ANKRD30A: variants seen among roughly 807,000 people sequenced by gnomAD.
ANKRD30A encodes ankyrin repeat domain-containing protein 30A.
A neutral mutation model predicts 166.3 loss-of-function variants in ANKRD30A; 170 were observed. The ratio of observed to expected loss-of-function variants is 1.02; its 90% confidence interval spans 0.90 to 1.16. ANKRD30A has a LOEUF of 1.16. ANKRD30A is among the 50% of genes most tolerant of loss of function. The pLI is 0.00. For missense variants in ANKRD30A, 1,630 were observed against 1,518.0 expected, an observed-to-expected ratio of 1.07 and a Z score of -1.23; for synonymous variants, 564 against 508.9, an observed-to-expected ratio of 1.11 and a Z score of -1.46.
At position 37,219,446 on chromosome 10, in the gene ANKRD30A, A is replaced by G; in HGVS notation, c.3734A>G (p.Asn1245Ser). Residue 1245 changes from asparagine (N) to serine (S), a missense_variant, in exon 34 of 36, where the codon AAC becomes AGC. By Grantham distance (46) the Asn-to-Ser change is conservative. Transcript: ENST00000361713. ...MNVDVSSTIYNNEVLHQPLSE... is the reference protein window; with the variant it reads ...MNVDVSSTIYSNEVLHQPLSE... ...GTTGATGTGAGTAGTACGATATATA[A>G]CAATGAGGTGCTCCATCAACCACTT... is the stretch of plus-strand genomic sequence containing the variant. 6.2e-7 allele frequency: 1 copy of G among 1,610,404 alleles called. No individual in the cohort carries two copies. Among genetic ancestry groups the G allele is most frequent in the Non-Finnish European group, 8.5e-7 (1 of 1,177,658 alleles).
chr10:37,226,083 G>A (rs925651224), intron 34 of ANKRD30A, among the ~76,000 whole-genome samples: 3 of 150,760 alleles, frequency 2.0e-5, no homozygotes, highest in African/African-American at 7.3e-5. Flanking sequence ...CTTTCACTTA[G>A]CATAACATTT....
chr10:37,204,532 C>T (rs1841861876), intron 31 of ANKRD30A, among the ~76,000 whole-genome samples: 1 of 152,144 alleles, frequency 6.6e-6, no homozygotes, highest in African/African-American at 2.4e-5. Context: ...AAAACCTAGG[C>T]AATACCATTC....
At chr10:37,207,704 A>T (rs749085592) in intron 31 of ANKRD30A, among the ~76,000 whole-genome samples, 2 of 151,890 alleles carry the variant, frequency 1.3e-5, no homozygotes, top group African/African-American at 4.8e-5. Flanking sequence ...TTAGAAAGAG[A>T]CTATATCATT....
At chr10:37,260,632 A>G in the ANKRD30A span, among the ~76,000 whole-genome samples, 1 of 152,198 alleles carries the variant, frequency 6.6e-6, no homozygotes. Context: ...TTTTAGGAAA[A>G]TAAACAGATC....
At chr10:37,225,771 G>A (rs967480672) in intron 34 of ANKRD30A, among the ~76,000 whole-genome samples, 1 of 151,692 alleles carries the variant, frequency 6.6e-6, no homozygotes, top group African/African-American at 2.4e-5. Context: ...ATGACTTCAA[G>A]TCACTAGTAT....
intron 27 of ANKRD30A, among the ~76,000 whole-genome samples, chr10:37,196,189 C>A (rs2384710): frequency 0.57 from 85,109 of 149,272 alleles, 24,733 homozygotes; most frequent in African/African-American, 0.65. Flanking sequence ...AGACTCTGAG[C>A]AAAACAGTTG....
intron 3 of ANKRD30A, 115 bp downstream of exon 3, chr10:37,130,493 TGAAA>T (rs1326593255): frequency 1.3e-6 from 1 of 772,818 alleles, no homozygotes; most frequent in East Asian, 3.5e-5. Context: ...GAAAATAGTT[TGAAA>T]GAACTTAATT....
intron 31 of ANKRD30A, among the ~76,000 whole-genome samples, chr10:37,209,017 A>G (rs1842139894): frequency 6.6e-6 from 1 of 152,152 alleles, no homozygotes; most frequent in African/African-American, 2.4e-5. Flanking sequence ...TTGATAGTTC[A>G]TCTCTTTTGA....
chr10:37,193,168 G>C lies in ANKRD30A; in HGVS notation c.2542-18G>C, dbSNP rs368202737. 2.3e-3 allele frequency: 3,717 copies of C among 1,598,176 alleles called. 105 individuals carry two copies. Among genetic ancestry groups the C allele is most frequent in the East Asian group, 0.02 (846 of 41,778 alleles). On this transcript the variant is annotated intron_variant, in intron 26 of 35. Transcript: ENST00000361713. Reference sequence around the variant, plus strand: ...GTATACATTGTATATTAATTGTTTTGTTTCTAAACCCATTTAGGCTCCCTG... The same window carrying C: ...GTATACATTGTATATTAATTGTTTTCTTTCTAAACCCATTTAGGCTCCCTG...
chr10:37,156,218 C>T (rs936977319), intron 13 of ANKRD30A, among the ~76,000 whole-genome samples: 8 of 152,016 alleles, frequency 5.3e-5, no homozygotes, highest in African/African-American at 1.7e-4. Flanking sequence ...CTACTTCATG[C>T]TATACTAGAA....
At chr10:37,198,903 T>C (rs1200894) in intron 29 of ANKRD30A, among the ~76,000 whole-genome samples, 70,396 of 151,896 alleles carry the variant, frequency 0.46, 16,591 homozygotes, top group African/African-American at 0.48. Context: ...ATAAAGAAAC[T>C]TCAACGTTAT....
At chr10:37,228,005 G>C (rs1843240026) in intron 34 of ANKRD30A, among the ~76,000 whole-genome samples, 1 of 151,768 alleles carries the variant, frequency 6.6e-6, no homozygotes, top group Non-Finnish European at 1.5e-5. Context: ...ATCTTTTCTT[G>C]GTACAGTTCC....
Position 37,129,908 on chromosome 10 carries a change from G to T in ANKRD30A, c.237G>T (p.Trp79Cys), listed in dbSNP as rs1041973101. Residue 79 changes from tryptophan to cysteine, a missense_variant, in exon 2 of 36, where the codon TGG becomes TGT. Trp to Cys is a radical substitution (Grantham distance 215). Around this residue, in one of 4 missense-constraint regions of ANKRD30A, gnomAD observed 904 missense variants for 818.5 expected, o/e 1.10. Transcript: ENST00000361713. ...ACTCTCGTAGGACTGCTCTACACTG[G>T]GCCTGTGTCAATGGCCATGAGGAAG... ...QDAQKRTALH[W>C]ACVNGHEEVV... The T allele has an allele frequency of 1.2e-5, 18 of 1,555,494 alleles. No individual in the cohort carries two copies. In the Admixed American group the frequency reaches 2.3e-4, roughly 20 times the overall value.
Position 37,141,915 on chromosome 10 carries a change from C to G in ANKRD30A, c.1018C>G (p.Gln340Glu), listed in dbSNP as rs1340416163. ...SLVEGTSDKI[Q>E]CLEKATSGKF... ...GGTGGAGGGAACATCTGACAAAATTCAATGTTTGGAGAAAGCGACATCTGG... is the reference window on the plus strand; with the variant it reads ...GGTGGAGGGAACATCTGACAAAATTGAATGTTTGGAGAAAGCGACATCTGG... The change falls in exon 7 of 36, where the codon CAA becomes GAA. Residue 340 changes from glutamine to glutamate, a missense_variant. Transcript: ENST00000361713. 1.2e-6 allele frequency: 2 copies of G among 1,614,142 alleles called. No homozygotes were observed. Among genetic ancestry groups the G allele is most frequent in the Admixed American group, 3.3e-5 (2 of 60,014 alleles).
chr10:37,245,074 T>C, the ANKRD30A span, among the ~76,000 whole-genome samples: 1 of 152,206 alleles, frequency 6.6e-6, no homozygotes, highest in Admixed American at 6.5e-5. Context: ...AGAAAAGAGA[T>C]AATACTGTAT....
chr10:37,135,914 T>A (rs1417038211), intron 5 of ANKRD30A, among the ~76,000 whole-genome samples: 2 of 152,182 alleles, frequency 1.3e-5, no homozygotes, highest in Non-Finnish European at 2.9e-5. Flanking sequence ...AACAGAAAAC[T>A]GCAACATTTG....
At chr10:37,183,503 T>C (rs1473110848) in intron 24 of ANKRD30A, among the ~76,000 whole-genome samples, 1 of 146,898 alleles carries the variant, frequency 6.8e-6, no homozygotes, top group Non-Finnish European at 1.5e-5. Context: ...TTCTCTCTTT[T>C]TCTTTTTTAA....
intron 5 of ANKRD30A, among the ~76,000 whole-genome samples, chr10:37,135,670 G>C (rs546892700): frequency 6.6e-6 from 1 of 152,162 alleles, no homozygotes; most frequent in Non-Finnish European, 1.5e-5. Flanking sequence ...TGTTAGTTCA[G>C]GTTTAAGGAG....
In ANKRD30A at chr10:37,183,903, C is replaced by T. The variant is rs1195075431; in HGVS notation, c.2422-5564C>T. ...GTGGCTCACGTCTGTAACGCCAGCA[C>T]GTTGGGAGGCCGTGACTGGCAGATC... On this transcript the variant is annotated intron_variant, in intron 24 of 35. Coordinates refer to ENST00000361713, the MANE Select transcript of ANKRD30A (RefSeq NM_052997.3). 4.0e-5 allele frequency among the ~76,000 whole-genome samples: 6 copies of T among 149,598 alleles called. 1 individual carries two copies. The highest frequency in any genetic ancestry group is 9.0e-5 in the Non-Finnish European group (6 of 67,004).
Sources: gnomAD v4.1 joint callset for allele counts (sites outside exome capture counted in the v4.1 genomes callset) on GRCh38, gnomAD v4.1.1 for gene constraint, gnomAD v4.1.1 regional missense constraint, MANE v1.5 for transcripts, NCBI Gene and HGNC (gene_info 2026-07-23, HGNC 2026-07-21) for gene names.